Variants in LRMDA observed in about 807,000 individuals in gnomAD.
The protein encoded by LRMDA is leucine rich melanocyte differentiation associated, also known as leucine-rich melanocyte differentiation-associated protein.
A neutral mutation model predicts 29.8 loss-of-function variants in LRMDA; 18 were observed. The observed-to-expected ratio is 0.60, with a 90% CI of 0.42 to 0.90. LRMDA has a LOEUF of 0.90. Among genes scored for constraint, LRMDA ranks in the 40% least tolerant of loss-of-function variants. The pLI, the probability that LRMDA is intolerant of heterozygous loss-of-function variation, is 0.00. For missense variants in LRMDA, 273 were observed against 273.9 expected (o/e 1.00, Z 0.02); for synonymous variants, 125 against 109.4 (o/e 1.14, Z -0.89).
intron 2 of LRMDA, among the ~76,000 whole-genome samples, chr10:75,763,462 A>T (rs2132229245): frequency 6.6e-6 from 1 of 152,280 alleles, no homozygotes; most frequent in East Asian, 1.9e-4. Flanking sequence ...TTGGATTTTC[A>T]TTTTTTAAAG....
intron 6 of LRMDA, among the ~76,000 whole-genome samples, chr10:76,344,552 CAT>C (rs1841079848): frequency 6.6e-6 from 1 of 151,834 alleles, no homozygotes; most frequent in Non-Finnish European, 1.5e-5. Flanking sequence ...ATCTAAAGGT[CAT>C]GTGGAAAATA....
intron 2 of LRMDA, among the ~76,000 whole-genome samples, chr10:75,473,401 G>T (rs888870487): frequency 6.6e-6 from 1 of 152,224 alleles, no homozygotes; most frequent in Non-Finnish European, 1.5e-5. Context: ...GACAGTAAGT[G>T]TTACTCAAAA....
At chr10:75,856,238 C>T (rs188247578) in intron 2 of LRMDA, among the ~76,000 whole-genome samples, 1 of 152,156 alleles carries the variant, frequency 6.6e-6, no homozygotes, top group Admixed American at 6.5e-5. Context: ...TCTTTTATTT[C>T]ATTGAGCAGT....
intron 2 of LRMDA, among the ~76,000 whole-genome samples, chr10:75,989,547 G>T (rs149856538): frequency 6.6e-6 from 1 of 152,328 alleles, no homozygotes; most frequent in East Asian, 1.9e-4. Flanking sequence ...CAATGTTGGG[G>T]ATCACAATTT....
At chr10:75,659,493 C>T (rs928144700) in intron 2 of LRMDA, among the ~76,000 whole-genome samples, 3 of 152,084 alleles carry the variant, frequency 2.0e-5, no homozygotes, top group Non-Finnish European at 4.4e-5. Flanking sequence ...CTGCCATTTG[C>T]GACAACACAG....
intron 2 of LRMDA, among the ~76,000 whole-genome samples, chr10:75,744,079 G>A (rs1842863117): frequency 6.6e-6 from 1 of 152,232 alleles, no homozygotes. Flanking sequence ...AACATTGGCT[G>A]TTGTGTGTTG....
intron 5 of LRMDA, among the ~76,000 whole-genome samples, chr10:76,106,811 G>A (rs953013950): frequency 6.6e-6 from 1 of 152,212 alleles, no homozygotes; most frequent in Admixed American, 6.5e-5. Flanking sequence ...AGCTGGAGCA[G>A]CTTCTCTGTA....
chr10:76,089,452 G>T (rs1389660402), intron 5 of LRMDA, among the ~76,000 whole-genome samples: 1 of 152,230 alleles, frequency 6.6e-6, no homozygotes, highest in Non-Finnish European at 1.5e-5. Context: ...AAGTTTACCA[G>T]TGTCCTGGGA....
intron 6 of LRMDA, among the ~76,000 whole-genome samples, chr10:76,444,179 G>A (rs952400033): frequency 6.6e-5 from 10 of 152,226 alleles, no homozygotes; most frequent in Admixed American, 2.6e-4. Context: ...TGAGGGGTGC[G>A]GTTTTCCTCT....
chr10:76,199,887 C>A (rs1851396448), intron 5 of LRMDA, among the ~76,000 whole-genome samples: 1 of 152,162 alleles, frequency 6.6e-6, no homozygotes, highest in Non-Finnish European at 1.5e-5. Flanking sequence ...CTCTTTCTTT[C>A]TGATTTTACA....
chr10:75,853,433 GGTGTGTGTGTGTGTGT>G (rs3042495), intron 2 of LRMDA, among the ~76,000 whole-genome samples: 29 of 147,606 alleles, frequency 2.0e-4, no homozygotes, highest in Non-Finnish European at 3.6e-4. Context: ...AAAGAAGAGG[GGTGTGTGTGTGTGTGT>G]GTGTGTGTGT....
At chr10:76,428,911 A>C (rs1027150395) in intron 6 of LRMDA, among the ~76,000 whole-genome samples, 1 of 152,138 alleles carries the variant, frequency 6.6e-6, no homozygotes, top group African/African-American at 2.4e-5. Flanking sequence ...CTCTGTTATC[A>C]TGTTGACCAA....
At chr10:76,447,159 G>A (rs141572781) in intron 6 of LRMDA, among the ~76,000 whole-genome samples, 46 of 151,018 alleles carry the variant, frequency 3.0e-4, no homozygotes, top group East Asian at 1.9e-3. Context: ...AAACTCTTGC[G>A]TTAATTTCAT....
At chr10:75,671,944 C>G (rs1038889453) in intron 2 of LRMDA, among the ~76,000 whole-genome samples, 1 of 152,074 alleles carries the variant, frequency 6.6e-6, no homozygotes, top group Non-Finnish European at 1.5e-5. Context: ...GATTTTCTCT[C>G]CACCCAATAG....
intron 4 of LRMDA, among the ~76,000 whole-genome samples, chr10:76,053,285 T>C (rs907575433): frequency 6.6e-6 from 1 of 152,168 alleles, no homozygotes; most frequent in South Asian, 2.1e-4. Context: ...GACTAGCCCT[T>C]GTGATTGCAG....
intron 2 of LRMDA, among the ~76,000 whole-genome samples, chr10:75,693,609 C>A (rs1272832822): frequency 6.6e-6 from 1 of 152,170 alleles, no homozygotes; most frequent in Non-Finnish European, 1.5e-5. Flanking sequence ...TCGTATGATG[C>A]CCTTGCCTTG....
intron 5 of LRMDA, among the ~76,000 whole-genome samples, chr10:76,095,206 C>A (rs948810581): frequency 2.6e-5 from 4 of 152,112 alleles, no homozygotes; most frequent in Admixed American, 2.0e-4. Flanking sequence ...TAAAATGTTG[C>A]CTTTTTGAGA....
chr10:75,767,020 C>A (rs990919517), intron 2 of LRMDA, among the ~76,000 whole-genome samples: 1 of 152,054 alleles, frequency 6.6e-6, no homozygotes, highest in Admixed American at 6.5e-5. Flanking sequence ...ATATGTACCA[C>A]GTTTTCTTTA....
chr10:75,784,041 T>C (rs1399209561), intron 2 of LRMDA, among the ~76,000 whole-genome samples: 9 of 152,232 alleles, frequency 5.9e-5, no homozygotes, highest in Non-Finnish European at 1.3e-4. Context: ...GAGAGAAATA[T>C]GGCCAGGGAC....
Sources: allele counts gnomAD v4.1 joint callset (sites outside exome capture counted in the v4.1 genomes callset), GRCh38; gene constraint gnomAD v4.1.1; transcripts MANE v1.5; gene names NCBI Gene and HGNC (gene_info 2026-07-23, HGNC 2026-07-21).